Variants in PIP5K1B observed in about 807,000 individuals in gnomAD.
PIP5K1B encodes the protein phosphatidylinositol-4-phosphate 5-kinase type 1 beta.
PIP5K1B carries 42 observed loss-of-function variants against 67.0 expected under a neutral mutation model. The ratio of observed to expected loss-of-function variants is 0.63; its 90% CI spans 0.49 to 0.81. The LOEUF is 0.81. PIP5K1B is among the 30% of genes least tolerant of loss of function. The probability of loss-of-function intolerance (pLI) is 0.00; values close to 1 mark genes in which losing one functional copy is unlikely to be tolerated. For synonymous variants in PIP5K1B, 214 were observed against 231.4 expected, an observed-to-expected ratio of 0.92 and a Z score of 0.68; for missense variants, 459 against 646.3, an observed-to-expected ratio of 0.71 and a Z score of 3.14.
chr9:68,739,313 G>C (rs1357461027), intron 1 of PIP5K1B, among the ~76,000 whole-genome samples: 1 of 152,024 alleles, frequency 6.6e-6, no homozygotes, highest in Non-Finnish European at 1.5e-5. Context: ...GCTCTTATGG[G>C]ACGCAACATT....
chr9:68,734,075 AG>A (rs1828604102), intron 1 of PIP5K1B, among the ~76,000 whole-genome samples: 1 of 152,212 alleles, frequency 6.6e-6, no homozygotes, highest in Admixed American at 6.5e-5. Flanking sequence ...AAAGTCACTT[AG>A]CTACTTTATT....
At chr9:68,705,821 T>C (rs1235973222) in intron 1 of PIP5K1B, 59 bp downstream of exon 1, 1 of 151,856 alleles carries the variant, frequency 6.6e-6, no homozygotes, top group Admixed American at 6.6e-5. Context: ...GGGCTTGCGC[T>C]TAGGGGCTCT....
intron 2 of PIP5K1B, among the ~76,000 whole-genome samples, chr9:68,749,174 T>C (rs951196736): frequency 6.6e-6 from 1 of 152,226 alleles, no homozygotes; most frequent in African/African-American, 2.4e-5. Context: ...TAGATGTGGT[T>C]GAATTAAGAA....
intron 4 of PIP5K1B, among the ~76,000 whole-genome samples, chr9:68,840,464 C>A (rs1821861340): frequency 6.6e-6 from 1 of 151,984 alleles, no homozygotes; most frequent in Non-Finnish European, 1.5e-5. Flanking sequence ...AACTTAGGGA[C>A]TTAAAAACAT....
intron 14 of PIP5K1B, among the ~76,000 whole-genome samples, chr9:68,944,120 A>G (rs1827689217): frequency 6.6e-6 from 1 of 152,196 alleles, no homozygotes; most frequent in South Asian, 2.1e-4. Flanking sequence ...CACAAGTTGC[A>G]CTGTGCAGTC....
At chr9:68,844,329 A>G (rs868299323) in intron 4 of PIP5K1B, among the ~76,000 whole-genome samples, 1 of 151,900 alleles carries the variant, frequency 6.6e-6, no homozygotes. Flanking sequence ...GAAACCCACC[A>G]CAGTTTCCTC....
At chr9:68,944,301 G>A (rs1294003842) in intron 14 of PIP5K1B, among the ~76,000 whole-genome samples, 1 of 152,140 alleles carries the variant, frequency 6.6e-6, no homozygotes, top group African/African-American at 2.4e-5. Context: ...GAAATATAGA[G>A]GCAAATGTGT....
Position 68,885,629 on chromosome 9 carries a change from G to C in PIP5K1B, c.319-3352G>C, listed in dbSNP as rs533920340. 1.5e-3 allele frequency among the ~76,000 whole-genome samples: 230 copies of C among 151,704 alleles called. 4 individuals are homozygous for C. The highest frequency in any genetic ancestry group is 2.1e-3 in the Non-Finnish European group (140 of 67,908). ...GTTCTCACTTCTAAGTGGGAGCTAA[G>C]CTATGGGTATGCAAAGGCATGCAGA... On this transcript the variant is annotated intron_variant, in intron 6 of 15. Coordinates refer to ENST00000265382, the MANE Select transcript of PIP5K1B (RefSeq NM_003558.4).
At chr9:68,824,303 T>C in intron 4 of PIP5K1B, 1 of 514,942 alleles carries the variant, frequency 1.9e-6, no homozygotes, top group Non-Finnish European at 3.9e-6. Context: ...GCAAAAGTTA[T>C]AGAAAAAATG....
chr9:68,725,043 T>G (rs967508921), intron 1 of PIP5K1B, among the ~76,000 whole-genome samples: 1 of 152,226 alleles, frequency 6.6e-6, no homozygotes. Flanking sequence ...CAACACCCAG[T>G]GCAGAATTAT....
intron 2 of PIP5K1B, among the ~76,000 whole-genome samples, chr9:68,801,551 A>G (rs930679008): frequency 1.3e-5 from 2 of 152,128 alleles, no homozygotes; most frequent in Admixed American, 1.3e-4. Flanking sequence ...TTTTTTTCGT[A>G]CTTTCAAAAC....
At chr9:68,966,029 G>A (rs1467711939) in intron 14 of PIP5K1B, among the ~76,000 whole-genome samples, 1 of 150,874 alleles carries the variant, frequency 6.6e-6, no homozygotes, top group Admixed American at 6.6e-5. Context: ...GTGGGGGTGT[G>A]TCAGAGGGCA....
intron 12 of PIP5K1B, among the ~76,000 whole-genome samples, chr9:68,928,555 T>A (rs754053877): frequency 6.6e-6 from 1 of 152,222 alleles, no homozygotes; most frequent in Non-Finnish European, 1.5e-5. Context: ...TTGTATTCAT[T>A]TTGGTGTATG....
intron 15 of PIP5K1B, among the ~76,000 whole-genome samples, chr9:69,002,515 A>G (rs1278890588): frequency 3.3e-5 from 5 of 152,178 alleles, no homozygotes; most frequent in African/African-American, 7.2e-5. Context: ...CTGGAATCCA[A>G]TACAACGAGA....
At chr9:68,758,129 T>C (rs1392963788) in intron 2 of PIP5K1B, among the ~76,000 whole-genome samples, 1 of 152,160 alleles carries the variant, frequency 6.6e-6, no homozygotes, top group Non-Finnish European at 1.5e-5. Flanking sequence ...AATTGCCTGC[T>C]AAGACAAAAA....
intron 15 of PIP5K1B, 151 bp from the exon 16 acceptor site, chr9:69,008,296 G>T: frequency 1.4e-6 from 1 of 723,532 alleles, no homozygotes; most frequent in Non-Finnish European, 2.6e-6. Flanking sequence ...ATGCTATGCT[G>T]ATCATTGCAG....
Position 68,876,758 on chromosome 9 carries a change from C to A in PIP5K1B, c.282C>A (p.Phe94Leu). Residue 94 changes from phenylalanine to leucine, a missense_variant, in exon 6 of 16, where the codon TTC becomes TTA. Around this residue, in one of 2 missense-constraint regions of PIP5K1B, gnomAD observed 290 missense variants for 474.4 expected, o/e 0.61. Transcript: ENST00000265382. ...KTYAPLAFRY[F>L]RELFGIKPDD... ...ACGCTCCATTAGCATTCCGATATTT[C>A]AGAGAACTTTTTGGTATCAAGCCTG... 6.2e-7 allele frequency: 1 copy of A among 1,603,664 alleles called. No homozygotes were observed. The highest frequency in any genetic ancestry group is 8.5e-7 in the Non-Finnish European group (1 of 1,170,452).
chr9:68,780,584 T>A (rs756349143), intron 2 of PIP5K1B: 1 of 1,614,162 alleles, frequency 6.2e-7, no homozygotes, highest in Non-Finnish European at 8.5e-7. Flanking sequence ...TCGATTTCAT[T>A]CCTGTGTCAC....
chr9:68,765,863 G>T (rs1830403374), intron 2 of PIP5K1B, among the ~76,000 whole-genome samples: 1 of 152,136 alleles, frequency 6.6e-6, no homozygotes, highest in African/African-American at 2.4e-5. Flanking sequence ...TTTCTCAAGG[G>T]TGATGTGTTT....
Sources: gnomAD v4.1 joint callset for allele counts (sites outside exome capture counted in the v4.1 genomes callset) on GRCh38, gnomAD v4.1.1 for gene constraint, gnomAD v4.1.1 regional missense constraint, MANE v1.5 for transcripts, NCBI Gene and HGNC (gene_info 2026-07-23, HGNC 2026-07-21) for gene names.